TMEM41B: variants seen among roughly 807,000 people sequenced by gnomAD.
TMEM41B encodes protein stasimon.
A neutral mutation model predicts 31.9 loss-of-function variants in TMEM41B; 18 were observed. That is an observed-to-expected ratio of 0.56 (90% CI 0.39 to 0.84). The LOEUF is 0.84. TMEM41B is among the 40% of genes least tolerant of loss of function. The pLI is 0.00. For synonymous variants in TMEM41B, 144 were observed against 124.3 expected, an observed-to-expected ratio of 1.16 and a Z score of -1.05; for missense variants, 322 against 348.0, an observed-to-expected ratio of 0.93 and a Z score of 0.59.
intron 4 of TMEM41B, chr11:9,288,170 T>C (rs547921136): frequency 1.5e-5 from 5 of 338,652 alleles, no homozygotes; most frequent in Admixed American, 5.1e-5. Context: ...ACTTAACTCA[T>C]TGTGCTCACC....
At chr11:9,298,913 C>G (rs1853167693) in intron 2 of TMEM41B, among the ~76,000 whole-genome samples, 2 of 152,100 alleles carry the variant, frequency 1.3e-5, no homozygotes, top group African/African-American at 4.8e-5. Context: ...CTTAGTAGTC[C>G]TTCATATAAT....
At chr11:9,297,626 G>A (rs1365119037) in intron 2 of TMEM41B, among the ~76,000 whole-genome samples, 1 of 152,028 alleles carries the variant, frequency 6.6e-6, no homozygotes, top group Non-Finnish European at 1.5e-5. Context: ...GGGAGGTGGG[G>A]GCTGCAGTAA....
chr11:9,295,129 C>G (rs2133623211), intron 3 of TMEM41B, 130 bp downstream of exon 3: 1 of 1,087,284 alleles, frequency 9.2e-7, no homozygotes, highest in African/African-American at 1.6e-5. Flanking sequence ...TTTAATTTTT[C>G]AATTATTTAA....
At chr11:9,297,972 G>A (rs1051398367) in intron 2 of TMEM41B, among the ~76,000 whole-genome samples, 3 of 150,012 alleles carry the variant, frequency 2.0e-5, no homozygotes. Context: ...AACTGAGGTA[G>A]GGGATCATTT....
At chr11:9,310,467 T>C (rs1202239704) in intron 1 of TMEM41B, among the ~76,000 whole-genome samples, 1 of 152,102 alleles carries the variant, frequency 6.6e-6, no homozygotes, top group Non-Finnish European at 1.5e-5. Context: ...AAATGCTTAT[T>C]ATTGATTATC....
At chr11:9,306,510 G>A (rs1009038795) in intron 1 of TMEM41B, among the ~76,000 whole-genome samples, 10 of 151,726 alleles carry the variant, frequency 6.6e-5, no homozygotes, top group Admixed American at 4.6e-4. Context: ...GTGAAACCCC[G>A]TCTCTACTAA....
intron 2 of TMEM41B, among the ~76,000 whole-genome samples, chr11:9,298,518 A>T (rs1853156388): frequency 6.6e-6 from 1 of 151,572 alleles, no homozygotes; most frequent in Admixed American, 6.6e-5. Context: ...TAATCCTAGT[A>T]CTTTGGGAGG....
intron 1 of TMEM41B, among the ~76,000 whole-genome samples, chr11:9,304,684 A>T (rs1224181900): frequency 6.7e-6 from 1 of 150,180 alleles, no homozygotes; most frequent in African/African-American, 2.4e-5. Flanking sequence ...TTTGAGATGG[A>T]GTCTCACTCT....
chr11:9,283,382 G>C lies in TMEM41B; in HGVS notation c.*42C>G, dbSNP rs775857968. 2.0e-6 allele frequency: 3 copies of C among 1,497,128 alleles called. No individual in the cohort carries two copies. In the East Asian group the frequency reaches 7.0e-5, roughly 35 times the overall value. 92.7% of individuals were successfully genotyped at this position (1,497,128 alleles called of 1,614,324 possible). A position where few individuals can be genotyped will look rare whatever the true frequency, so the allele number is the denominator to read the frequency against. ...ATAAATGGATGCACCTGTTAATCCT[G>C]AGATGGTGATGACAGCAAAACTAAA... is the stretch of plus-strand genomic sequence containing the variant. On this transcript the variant is annotated 3_prime_UTR_variant, in exon 7 of 7. Coordinates refer to ENST00000528080, the MANE Select transcript of TMEM41B (RefSeq NM_015012.4).
At chr11:9,307,412 A>G (rs1853426540) in intron 1 of TMEM41B, among the ~76,000 whole-genome samples, 1 of 152,148 alleles carries the variant, frequency 6.6e-6, no homozygotes, top group Non-Finnish European at 1.5e-5. Context: ...AACATCAAGT[A>G]TAAATTTAAA....
At chr11:9,307,448 C>T (rs1038696302) in intron 1 of TMEM41B, among the ~76,000 whole-genome samples, 5 of 147,152 alleles carry the variant, frequency 3.4e-5, no homozygotes, top group Admixed American at 6.8e-5. Context: ...AAAATAAAAT[C>T]TTTTTTTTTT....
intron 2 of TMEM41B, among the ~76,000 whole-genome samples, chr11:9,296,603 C>CAAAAAAAAAAAAAAAAA (rs1164835040): frequency 1.7e-5 from 2 of 118,868 alleles, no homozygotes; most frequent in Non-Finnish European, 3.3e-5. Flanking sequence ...GACTCCGTCT[C>CAAAAAAAAAAAAAAAAA]AAAAAAAAAA....
chr11:9,288,573 GT>G, intron 3 of TMEM41B, 38 bp from the exon 4 acceptor site: 1 of 1,386,314 alleles, frequency 7.2e-7, no homozygotes, highest in African/African-American at 1.5e-5. Flanking sequence ...ATATAATTAA[GT>G]AGAATTTTAA....
intron 6 of TMEM41B, among the ~76,000 whole-genome samples, chr11:9,285,131 C>T (rs1043270769): frequency 7.0e-6 from 1 of 142,914 alleles, no homozygotes; most frequent in Non-Finnish European, 1.5e-5. Context: ...GTCGCCCAGG[C>T]CGGAGTGCAG....
rs1341278173 is a variant in TMEM41B, at chr11:9,286,458, G to A, written c.703C>T (p.Leu235=). Residue 235 remains leucine (L), a synonymous_variant, in exon 6 of 7, where the codon CTA becomes TTA. Coordinates refer to ENST00000528080, the MANE Select transcript of TMEM41B (RefSeq NM_015012.4). ...CAGCAAGAACCAGAGGGCTTACCTAGAAAAGTACCAATAAAAAAAACTTTC... is the reference window on the plus strand; with the variant it reads ...CAGCAAGAACCAGAGGGCTTACCTAAAAAAGTACCAATAAAAAAAACTTTC... ...PLKVFFIGTF[L]GVAPPSFVAI... 6.2e-7 allele frequency: 1 copy of A among 1,610,448 alleles called. No homozygotes were observed. Among genetic ancestry groups the A allele is most frequent in the East Asian group, 2.2e-5 (1 of 44,834 alleles).
At position 9,287,719 on chromosome 11, in the gene TMEM41B, C is replaced by T. The variant is rs1352810004; in HGVS notation, c.550G>A (p.Val184Ile). ...VVYKYLTEKA[V>I]KWSQQVERHR... ...ATGTTTACCTGCTGTGACCATTTTA[C>T]TGCTTTCTCTGTTAGGTATTTGTAT... The change falls in exon 5 of 7, where the codon GTA becomes ATA. Residue 184 changes from valine to isoleucine, a missense_variant. Physicochemically the swap from Val to Ile is conservative, Grantham distance 29. Transcript: ENST00000528080. The T allele has an allele frequency of 6.2e-7, 1 of 1,609,866 alleles. No homozygotes were observed. Among genetic ancestry groups the T allele is most frequent in the East Asian group, 2.2e-5 (1 of 44,826 alleles).
Position 9,287,802 on chromosome 11 carries a change from G to A in TMEM41B, c.467C>T (p.Ser156Phe), listed in dbSNP as rs778234419. 6.2e-7 allele frequency: 1 copy of A among 1,607,620 alleles called. No homozygotes were observed. Among genetic ancestry groups the A allele is most frequent in the Non-Finnish European group, 8.5e-7 (1 of 1,177,412 alleles). ...ATAACAGAAAGAGGCACCAAGTCCA[G>A]AACACTGGAAAACAAAAGAAGCCAT... ...PLALFLVCLC[S>F]GLGASFCYML... Residue 156 changes from serine (S) to phenylalanine (F), a missense_variant, in exon 5 of 7, where the codon TCT becomes TTT. By Grantham distance (155) the Ser-to-Phe change is radical. Coordinates refer to ENST00000528080, the MANE Select transcript of TMEM41B (RefSeq NM_015012.4).
chr11:9,295,628 A>G (rs1444277924), intron 2 of TMEM41B, among the ~76,000 whole-genome samples: 1 of 151,404 alleles, frequency 6.6e-6, no homozygotes, highest in African/African-American at 2.4e-5. Flanking sequence ...TCTGCCTCCC[A>G]GGTACAAACG....
intron 3 of TMEM41B, among the ~76,000 whole-genome samples, chr11:9,290,101 C>G (rs1040430830): frequency 6.6e-6 from 1 of 151,986 alleles, no homozygotes; most frequent in Non-Finnish European, 1.5e-5. Context: ...ACTATATGGA[C>G]CGGGTGGGGT....
Sources: allele counts gnomAD v4.1 joint callset (sites outside exome capture counted in the v4.1 genomes callset), GRCh38; gene constraint gnomAD v4.1.1; transcripts MANE v1.5; gene names NCBI Gene and HGNC (gene_info 2026-07-23, HGNC 2026-07-21).